SEMA4D: variants seen among roughly 807,000 people sequenced by gnomAD.
SEMA4D encodes the protein semaphorin 4D.
SEMA4D carries 22 observed loss-of-function variants against 74.8 expected under a neutral mutation model. The ratio of observed to expected loss-of-function variants is 0.29; its 90% confidence interval spans 0.21 to 0.42. SEMA4D has a LOEUF of 0.42. SEMA4D is among the 10% of genes least tolerant of loss of function. The probability of loss-of-function intolerance (pLI) is 1.00; values close to 1 mark genes in which losing one functional copy is unlikely to be tolerated. For synonymous variants in SEMA4D, 445 were observed against 463.7 expected (o/e 0.96, Z 0.52); for missense variants, 937 against 1,118.4 (o/e 0.84, Z 2.31).
chr9:89,490,108 C>A (rs1012856079), intron 1 of SEMA4D, among the ~76,000 whole-genome samples: 3 of 151,582 alleles, frequency 2.0e-5, no homozygotes, highest in Non-Finnish European at 4.4e-5. Context: ...TCCCTAACAA[C>A]TAATGATGTT....
downstream of SEMA4D, chr9:89,377,217 A>G (rs772183254): frequency 2.0e-6 from 2 of 1,000,862 alleles, no homozygotes; most frequent in Non-Finnish European, 2.7e-6. Flanking sequence ...GCCTCCGCTA[A>G]GGAATGTCTT....
Position 89,421,965 on chromosome 9 carries a change from ATTCC to A in SEMA4D, c.-243-16270_-243-16267del, listed in dbSNP as rs754886791. Among the ~76,000 whole-genome samples the A allele has an allele frequency of 3.9e-5, 6 of 152,370 alleles. No homozygotes were observed. In the East Asian group the frequency reaches 7.7e-4, roughly 20 times the overall value. On this transcript the variant is annotated intron_variant, in intron 2 of 15. Transcript: ENST00000422704. ...ATTTTGATTCTTTAGAACTATTCGA[ATTCC>A]TTCCTTAATCATGTGGTTTTCTAAC...
intron 2 of SEMA4D, among the ~76,000 whole-genome samples, chr9:89,425,550 C>T (rs981139362): frequency 1.3e-5 from 2 of 152,196 alleles, no homozygotes; most frequent in African/African-American, 4.8e-5. Flanking sequence ...GCAGGCTCCT[C>T]ACTAACCCTC....
At chr9:89,373,121 A>C (rs900283226), downstream of SEMA4D, among the ~76,000 whole-genome samples, 3 of 151,768 alleles carry the variant, frequency 2.0e-5, no homozygotes, top group African/African-American at 7.3e-5. Context: ...CCTCCACCCC[A>C]CCACCAGGCC....
intron 7 of SEMA4D, among the ~76,000 whole-genome samples, chr9:89,392,777 G>T (rs914624025): frequency 6.6e-6 from 1 of 152,122 alleles, no homozygotes; most frequent in African/African-American, 2.4e-5. Context: ...ACCCAGGCTG[G>T]AGTGCAGTGG....
chr9:89,443,588 G>A (rs555505705), intron 2 of SEMA4D, among the ~76,000 whole-genome samples: 46 of 152,202 alleles, frequency 3.0e-4, no homozygotes, highest in Non-Finnish European at 2.1e-4. Context: ...TGGGGTAGGC[G>A]GGTGGCGGAC....
exon 19 of SEMA4D, chr9:89,362,291 CA>C: frequency 6.3e-7 from 1 of 1,591,992 alleles, no homozygotes; most frequent in Non-Finnish European, 8.6e-7. Flanking sequence ...CAGGCTTGGG[CA>C]AGACAGTTCA....
chr9:89,373,166 C>G (rs779069923), downstream of SEMA4D, among the ~76,000 whole-genome samples: 3 of 152,190 alleles, frequency 2.0e-5, no homozygotes, highest in African/African-American at 7.2e-5. Context: ...CAGGCCTCTC[C>G]GCCCTACTCC....
At chr9:89,370,921 TG>T (rs372752217) in intron 16 of SEMA4D, among the ~76,000 whole-genome samples, 40 of 94,372 alleles carry the variant, frequency 4.2e-4, no homozygotes, top group East Asian at 1.8e-3. Context: ...TGGTGTGTGT[TG>T]GGGGGGTGTT....
At chr9:89,389,123 C>G in intron 9 of SEMA4D, 76 bp from the exon 10 acceptor site, 2 of 1,472,400 alleles carry the variant, frequency 1.4e-6, no homozygotes, top group Non-Finnish European at 1.9e-6. Flanking sequence ...AGAGGTGCAC[C>G]CCTCCATGGC....
chr9:89,478,623 A>AT (rs1862356108), intron 1 of SEMA4D, among the ~76,000 whole-genome samples: 2 of 152,184 alleles, frequency 1.3e-5, no homozygotes, highest in Non-Finnish European at 2.9e-5. Context: ...AGAAAGCAAG[A>AT]AAGCCCCCAA....
At chr9:89,410,235 G>C (rs1486498963) in intron 2 of SEMA4D, among the ~76,000 whole-genome samples, 1 of 152,202 alleles carries the variant, frequency 6.6e-6, no homozygotes, top group Non-Finnish European at 1.5e-5. Flanking sequence ...AGATACAAGA[G>C]GCGAGTAACT....
At chr9:89,371,753 G>GGT (rs1230503306) in intron 16 of SEMA4D, among the ~76,000 whole-genome samples, 1 of 96,790 alleles carries the variant, frequency 1.0e-5, no homozygotes, top group Non-Finnish European at 2.1e-5. Context: ...TGTCGGGTGT[G>GGT]GTGTGTGTGT....
At chr9:89,396,971 C>G in intron 5 of SEMA4D, 136 bp from the exon 6 acceptor site, 1 of 732,602 alleles carries the variant, frequency 1.4e-6, no homozygotes, top group Non-Finnish European at 2.3e-6. Flanking sequence ...CCCAGGCCAA[C>G]GAGGCATGTG....
intron 2 of SEMA4D, among the ~76,000 whole-genome samples, chr9:89,452,088 T>C (rs1235819097): frequency 6.6e-6 from 1 of 152,036 alleles, no homozygotes; most frequent in Non-Finnish European, 1.5e-5. Context: ...AGCTTCTGGT[T>C]ACTATAAATG....
chr9:89,434,879 G>A (rs1850059265), intron 2 of SEMA4D, among the ~76,000 whole-genome samples: 1 of 152,194 alleles, frequency 6.6e-6, no homozygotes, highest in Admixed American at 6.5e-5. Context: ...CTGTCTAAAG[G>A]GGCCACTGCA....
chr9:89,471,700 G>A (rs1471098917), intron 1 of SEMA4D, among the ~76,000 whole-genome samples: 1 of 146,708 alleles, frequency 6.8e-6, no homozygotes, highest in African/African-American at 2.6e-5. Flanking sequence ...ATGCCAGATA[G>A]GGTGCACGCT....
At chr9:89,406,222 C>T (rs939086633) in intron 2 of SEMA4D, among the ~76,000 whole-genome samples, 2 of 152,168 alleles carry the variant, frequency 1.3e-5, no homozygotes, top group Admixed American at 6.5e-5. Flanking sequence ...TACACACACA[C>T]ATGCACGGAT....
chr9:89,465,006 C>T (rs1858310308), intron 1 of SEMA4D, among the ~76,000 whole-genome samples: 1 of 152,212 alleles, frequency 6.6e-6, no homozygotes, highest in African/African-American at 2.4e-5. Flanking sequence ...ATCTCGCATG[C>T]TTTACAAAGC....
Sources: allele counts gnomAD v4.1 joint callset (sites outside exome capture counted in the v4.1 genomes callset), GRCh38; gene constraint gnomAD v4.1.1; transcripts MANE v1.5; gene names NCBI Gene and HGNC (gene_info 2026-07-23, HGNC 2026-07-21).